The following WDR45B variants were observed in gnomAD, a reference collection of about 807,000 sequenced individuals.
The protein encoded by WDR45B is WD repeat domain 45B.
Under a neutral mutation model 44.6 loss-of-function variants are expected in WDR45B, and 20 were observed. That is an observed-to-expected ratio of 0.45 (90% CI 0.32 to 0.65). The LOEUF (loss-of-function observed/expected upper bound fraction) is 0.65, where lower values mean the gene tolerates loss of function less well. Ranked by LOEUF, WDR45B falls within the 30% of genes least tolerant of loss-of-function variation. The pLI, the probability that WDR45B is intolerant of heterozygous loss-of-function variation, is 0.05. For missense variants in WDR45B, 323 were observed against 430.2 expected (o/e 0.75, Z 2.20); for synonymous variants, 169 against 164.9 (o/e 1.02, Z -0.19).
At chr17:82,616,984 G>C (rs1261223616) in intron 8 of WDR45B, among the ~76,000 whole-genome samples, 2 of 150,408 alleles carry the variant, frequency 1.3e-5, no homozygotes, top group Non-Finnish European at 3.0e-5. Flanking sequence ...CGCCCGGCTA[G>C]TTTTTGTTTT....
At chr17:82,634,061 G>T (rs1441479892) in intron 2 of WDR45B, among the ~76,000 whole-genome samples, 1 of 138,682 alleles carries the variant, frequency 7.2e-6, no homozygotes, top group Non-Finnish European at 1.5e-5. Flanking sequence ...TGAGGCAGGA[G>T]AATCGCTTGA....
In WDR45B at chr17:82,631,277, A is replaced by ATTT. The variant is rs386386786; in HGVS notation, c.143-258_143-256dup. Reference sequence around the variant, plus strand: ...CCAAGTAGCTGGGAATACAGGACTCATTTTTTTTTTTTTTTTTTTTTTTTG... The same window carrying ATTT: ...CCAAGTAGCTGGGAATACAGGACTCATTTTTTTTTTTTTTTTTTTTTTTTTTTG... On this transcript the variant is annotated intron_variant, in intron 2 of 9. Coordinates refer to ENST00000392325, the MANE Select transcript of WDR45B (RefSeq NM_019613.4). 5.2e-3 allele frequency among the ~76,000 whole-genome samples: 453 copies of ATTT among 86,830 alleles called. 4 individuals carry two copies. The highest frequency in any genetic ancestry group is 6.6e-3 in the Middle Eastern group (1 of 152). The allele number at this position is 86,830 out of a possible 152,430, so 57.0% of individuals were successfully genotyped here. A position where few individuals can be genotyped will look rare whatever the true frequency, so the allele number is the denominator to read the frequency against.
intron 3 of WDR45B, 37 bp downstream of exon 3, chr17:82,630,884 A>G (rs1568009479): frequency 6.3e-7 from 1 of 1,576,264 alleles, no homozygotes; most frequent in South Asian, 1.1e-5. Flanking sequence ...TGGGTGGGAC[A>G]CGTGAGGCAT....
At chr17:82,617,961 C>G (rs532756017) in intron 7 of WDR45B, among the ~76,000 whole-genome samples, 14 of 151,664 alleles carry the variant, frequency 9.2e-5, no homozygotes, top group African/African-American at 3.1e-4. Flanking sequence ...CAGAGTCTCG[C>G]TCTCTTGCCC....
chr17:82,627,352 G>A, intron 3 of WDR45B, 61 bp from the exon 4 acceptor site: 1 of 1,381,426 alleles, frequency 7.2e-7, no homozygotes, highest in African/African-American at 1.4e-5. Flanking sequence ...CTGGGATGCA[G>A]CGATGCCAGC....
intron 5 of WDR45B, among the ~76,000 whole-genome samples, chr17:82,622,263 A>G (rs1277762273): frequency 6.6e-6 from 1 of 152,234 alleles, no homozygotes; most frequent in Non-Finnish European, 1.5e-5. Context: ...AAGACCACAG[A>G]AGATCTGAGA....
intron 7 of WDR45B, 141 bp downstream of exon 7, chr17:82,618,902 C>T: frequency 1.3e-6 from 1 of 746,404 alleles, no homozygotes; most frequent in South Asian, 1.5e-5. Flanking sequence ...AAACCCAACC[C>T]CCTAGCAGCC....
chr17:82,648,320 G>T lies in WDR45B; in HGVS notation c.21C>A (p.Asn7Lys). ...CGTAGAGCAGCCCGTTGCCGTGAGGGTTACACGGCAGGAGGTTCATGGCGC... is the reference window on the plus strand; with the variant it reads ...CGTAGAGCAGCCCGTTGCCGTGAGGTTTACACGGCAGGAGGTTCATGGCGC... MNLLPCNPHGNGLLYAG... is the reference protein window; with the variant it reads MNLLPCKPHGNGLLYAG... The change falls in exon 1 of 10, where the codon AAC becomes AAA. Residue 7 changes from asparagine to lysine, a missense_variant. Transcript: ENST00000392325. 1 of 1,606,924 alleles carries T rather than the reference G, an allele frequency of 6.2e-7. No homozygotes were observed. Among genetic ancestry groups the T allele is most frequent in the African/African-American group, 1.3e-5 (1 of 74,392 alleles).
intron 2 of WDR45B, among the ~76,000 whole-genome samples, chr17:82,636,953 C>T (rs1001795705): frequency 1.4e-4 from 22 of 152,084 alleles, no homozygotes; most frequent in African/African-American, 5.3e-4. Context: ...TGCAGTCCGA[C>T]CCCAGCCCAT....
At chr17:82,625,274 G>C in intron 5 of WDR45B, 115 bp downstream of exon 5, 1 of 998,888 alleles carries the variant, frequency 1.0e-6, no homozygotes, top group Non-Finnish European at 1.6e-6. Flanking sequence ...TCTGTGCTCA[G>C]GATTGCTCTC....
intron 4 of WDR45B, chr17:82,626,943 AC>A: frequency 3.7e-6 from 2 of 534,870 alleles, no homozygotes; most frequent in Non-Finnish European, 6.7e-6. Flanking sequence ...CCACGGTGAG[AC>A]CCACTGGCTG....
At chr17:82,619,714 ACTG>A (rs2143254833) in intron 6 of WDR45B, among the ~76,000 whole-genome samples, 1 of 152,340 alleles carries the variant, frequency 6.6e-6, no homozygotes, top group East Asian at 1.9e-4. Flanking sequence ...GAAAACGAGA[ACTG>A]CTGCATCTTT....
At chr17:82,646,538 C>G (rs373086589) in intron 1 of WDR45B, among the ~76,000 whole-genome samples, 1 of 102,260 alleles carries the variant, frequency 9.8e-6, no homozygotes, top group South Asian at 3.3e-4. Flanking sequence ...CAGCTAGAAA[C>G]AAAAATAAGT....
rs562134996 is a variant in WDR45B, at chr17:82,630,079, T to G, written c.244+842A>C. The G allele has an allele frequency of 6.8e-6, 5 of 735,106 alleles. No homozygotes were observed. The South Asian group carries it at 3.1e-4, about 45-fold the overall frequency. 45.5% of individuals were successfully genotyped at this position (735,106 alleles called of 1,614,324 possible). On this transcript the variant is annotated intron_variant, in intron 3 of 9. Coordinates refer to ENST00000392325, the MANE Select transcript of WDR45B (RefSeq NM_019613.4). Reference sequence around the variant, plus strand: ...GGCTTTTCTCAGGCCTCCTCCCGCCTGGCACTGGGCTCAGACGAGGATGCT... The same window carrying G: ...GGCTTTTCTCAGGCCTCCTCCCGCCGGGCACTGGGCTCAGACGAGGATGCT...
intron 2 of WDR45B, among the ~76,000 whole-genome samples, chr17:82,634,842 CA>C (rs2045813403): frequency 1.3e-5 from 2 of 152,116 alleles, no homozygotes; most frequent in African/African-American, 4.8e-5. Flanking sequence ...ACTGGGATTA[CA>C]GGGGTGAGCT....
At chr17:82,632,572 G>A (rs752335410) in intron 2 of WDR45B, among the ~76,000 whole-genome samples, 3 of 152,022 alleles carry the variant, frequency 2.0e-5, no homozygotes, top group Non-Finnish European at 4.4e-5. Flanking sequence ...GAGCAACAGG[G>A]GCACACTGAT....
intron 5 of WDR45B, among the ~76,000 whole-genome samples, chr17:82,623,465 G>A (rs1308637741): frequency 3.3e-5 from 5 of 151,364 alleles, no homozygotes; most frequent in African/African-American, 4.9e-5. Flanking sequence ...ACTTTGGGAG[G>A]CCGAGGCAGG....
intron 2 of WDR45B, among the ~76,000 whole-genome samples, chr17:82,635,859 C>T (rs925632097): frequency 9.9e-5 from 15 of 151,964 alleles, no homozygotes; most frequent in Non-Finnish European, 1.3e-4. Flanking sequence ...CAGGCCGAGG[C>T]AGGTGGATCC....
rs758618050 is a variant in WDR45B at position 82,627,213 on chromosome 17, C to T, written c.323G>A (p.Arg108Gln). The T allele has an allele frequency of 9.9e-6, 16 of 1,613,118 alleles. No homozygotes were observed. Among genetic ancestry groups the T allele is most frequent in the East Asian group, 2.2e-5 (1 of 44,898 alleles). Reference sequence around the variant, plus strand: ...CTGACACCAAACCCACCTATCTCGCCGCAGCTTGACTGCCTTGACTTCTGT... The same window carrying T: ...CTGACACCAAACCCACCTATCTCGCTGCAGCTTGACTGCCTTGACTTCTGT... ...FSTEVKAVKL[R>Q]RDRIVVVLDS... Residue 108 changes from arginine to glutamine, a missense_variant, in exon 4 of 10, where the codon CGG becomes CAG. Physicochemically the swap from Arg to Gln is conservative, Grantham distance 43. Transcript: ENST00000392325.
Sources: gnomAD v4.1 joint callset for allele counts (sites outside exome capture counted in the v4.1 genomes callset) on GRCh38, gnomAD v4.1.1 for gene constraint, MANE v1.5 for transcripts, NCBI Gene and HGNC (gene_info 2026-07-23, HGNC 2026-07-21) for gene names.